Variants in RANBP17 observed in about 807,000 individuals in gnomAD.
RANBP17 encodes ran-binding protein 17.
Under a neutral mutation model 141.2 loss-of-function variants are expected in RANBP17, and 158 were observed. The ratio of observed to expected loss-of-function variants is 1.12; its 90% confidence interval spans 0.98 to 1.28. The LOEUF (loss-of-function observed/expected upper bound fraction) is 1.28. Among genes scored for constraint, RANBP17 ranks in the 50% most tolerant of loss-of-function variants. RANBP17 has a pLI of 0.00. For missense variants in RANBP17, 1,438 were observed against 1,290.7 expected (o/e 1.11, Z -1.75); for synonymous variants, 430 against 450.0 (o/e 0.96, Z 0.56).
intron 14 of RANBP17, among the ~76,000 whole-genome samples, chr5:171,012,495 A>G (rs1243994018): frequency 2.0e-5 from 3 of 152,160 alleles, no homozygotes; most frequent in Admixed American, 2.0e-4. Context: ...TACATTTCCT[A>G]GGATTCTTTT....
chr5:171,294,224 G>T (rs1286518693), intron 26 of RANBP17, among the ~76,000 whole-genome samples: 1 of 152,178 alleles, frequency 6.6e-6, no homozygotes, highest in Non-Finnish European at 1.5e-5. Context: ...CCACTCACCA[G>T]GTGGGTGGTT....
At chr5:171,110,253 G>A (rs74368038) in intron 14 of RANBP17, among the ~76,000 whole-genome samples, 7,959 of 151,806 alleles carry the variant, frequency 0.052, 264 homozygotes, top group East Asian at 0.12. Context: ...TGTAGAATGG[G>A]TACAAGAACC....
intron 14 of RANBP17, among the ~76,000 whole-genome samples, chr5:171,054,119 C>G (rs173463): frequency 0.61 from 92,636 of 151,304 alleles, 29,695 homozygotes; most frequent in South Asian, 0.88. Context: ...CTTTCACTTT[C>G]AATTTGTTTG....
intron 13 of RANBP17, among the ~76,000 whole-genome samples, chr5:170,955,358 A>AT (rs1775533160): frequency 6.7e-6 from 1 of 149,458 alleles, no homozygotes; most frequent in Admixed American, 6.7e-5. Flanking sequence ...TAGCTTTGCC[A>AT]TTTTTTCTTT....
In RANBP17 at chr5:171,259,879, G is replaced by GAGT. The variant is rs1766170179; in HGVS notation, c.2777-5802_2777-5801insAGT. On this transcript the variant is annotated intron_variant, in intron 24 of 27. Transcript: ENST00000523189. ...GCCTGTAATCCCAGCTACTCAGGAG[G>GAGT]CTGCAGCAGGAGAATGGCTTGAACC... Among the ~76,000 whole-genome samples, 4 of 152,076 alleles carry GAGT rather than the reference G, an allele frequency of 2.6e-5. No individual in the cohort carries two copies. In the South Asian group the frequency reaches 6.2e-4, roughly 24 times the overall value.
chr5:171,118,810 T>TAA (rs1755820210), intron 14 of RANBP17, among the ~76,000 whole-genome samples: 1 of 152,344 alleles, frequency 6.6e-6, no homozygotes, highest in Admixed American at 6.5e-5. Context: ...TGATCAGTTC[T>TAA]AAATGTTTTT....
intron 14 of RANBP17, among the ~76,000 whole-genome samples, chr5:171,019,479 A>C (rs187591932): frequency 1.3e-5 from 2 of 152,142 alleles, no homozygotes; most frequent in Admixed American, 1.3e-4. Context: ...TTCCTGGTTT[A>C]GTCTTGGGAG....
intron 24 of RANBP17, among the ~76,000 whole-genome samples, chr5:171,258,701 C>T (rs533362033): frequency 6.6e-6 from 1 of 152,168 alleles, no homozygotes; most frequent in African/African-American, 2.4e-5. Flanking sequence ...TGAAACTGGA[C>T]CCCTATCTCA....
intron 14 of RANBP17, among the ~76,000 whole-genome samples, chr5:171,061,547 T>C (rs926967103): frequency 2.2e-4 from 33 of 152,164 alleles, no homozygotes; most frequent in African/African-American, 6.8e-4. Context: ...TAATTTCTGA[T>C]CTTTTACATT....
intron 14 of RANBP17, among the ~76,000 whole-genome samples, chr5:171,104,521 G>A (rs1261175969): frequency 6.6e-6 from 1 of 152,158 alleles, no homozygotes; most frequent in Non-Finnish European, 1.5e-5. Flanking sequence ...TACATCAATG[G>A]TTGAGTAACA....
chr5:171,159,819 AG>A (rs1272660798), intron 14 of RANBP17, among the ~76,000 whole-genome samples: 1 of 142,236 alleles, frequency 7.0e-6, no homozygotes, highest in African/African-American at 2.6e-5. Context: ...GCTACTCGGG[AG>A]GCTGAGGCGG....
chr5:171,185,216 C>T (rs1281391421), intron 18 of RANBP17, among the ~76,000 whole-genome samples: 3 of 152,146 alleles, frequency 2.0e-5, no homozygotes, highest in Non-Finnish European at 4.4e-5. Context: ...TTCTAGCAAA[C>T]ATCTGAGCTT....
At chr5:171,235,971 T>G (rs988897883) in intron 22 of RANBP17, among the ~76,000 whole-genome samples, 1 of 152,240 alleles carries the variant, frequency 6.6e-6, no homozygotes, top group Non-Finnish European at 1.5e-5. Flanking sequence ...CCAACAATTT[T>G]TTATTTTTCT....
chr5:170,903,015 A>G (rs143007924), intron 5 of RANBP17, among the ~76,000 whole-genome samples: 2 of 152,324 alleles, frequency 1.3e-5, no homozygotes, highest in Non-Finnish European at 2.9e-5. Context: ...GCCTTAGCAG[A>G]GCTTGAGCAC....
intron 12 of RANBP17, among the ~76,000 whole-genome samples, chr5:170,947,588 A>G (rs187508804): frequency 4.7e-4 from 71 of 152,270 alleles, no homozygotes; most frequent in African/African-American, 1.6e-3. Flanking sequence ...CTGGGGGTTG[A>G]TAAGTCTCAG....
At chr5:170,998,161 C>A (rs1778958776) in intron 14 of RANBP17, among the ~76,000 whole-genome samples, 1 of 151,488 alleles carries the variant, frequency 6.6e-6, no homozygotes, top group African/African-American at 2.4e-5. Context: ...CTAACAATTT[C>A]ATATTACTTT....
chr5:171,280,063 T>C (rs1270253047), intron 25 of RANBP17, among the ~76,000 whole-genome samples: 3 of 152,200 alleles, frequency 2.0e-5, no homozygotes, highest in Non-Finnish European at 4.4e-5. Context: ...TTGAATTTCT[T>C]CAAAGAATGG....
chr5:171,134,843 C>T (rs1757160937), intron 14 of RANBP17, among the ~76,000 whole-genome samples: 1 of 150,884 alleles, frequency 6.6e-6, no homozygotes, highest in Admixed American at 6.6e-5. Context: ...AACCATTTGA[C>T]CCTGGGAAGC....
intron 14 of RANBP17, among the ~76,000 whole-genome samples, chr5:170,985,575 G>A (rs1778089548): frequency 6.6e-6 from 1 of 151,974 alleles, no homozygotes; most frequent in South Asian, 2.1e-4. Flanking sequence ...ACCACCAAAG[G>A]GTGAAATCCC....
Sources: allele counts gnomAD v4.1 joint callset (sites outside exome capture counted in the v4.1 genomes callset), GRCh38; gene constraint gnomAD v4.1.1; transcripts MANE v1.5; gene names NCBI Gene and HGNC (gene_info 2026-07-23, HGNC 2026-07-21).